PLXNA4: variants seen among roughly 807,000 people sequenced by gnomAD.
PLXNA4 encodes the protein plexin A4.
PLXNA4 carries 44 observed loss-of-function variants against 191.8 expected under a neutral mutation model. That is an observed-to-expected ratio of 0.23 (90% CI 0.18 to 0.29). PLXNA4 has a LOEUF of 0.29. Among genes scored for constraint, PLXNA4 ranks in the 10% least tolerant of loss-of-function variants. The pLI is 1.00. For synonymous variants in PLXNA4, 1,082 were observed against 1,009.5 expected, an observed-to-expected ratio of 1.07 and a Z score of -1.36; for missense variants, 1,800 against 2,488.8, an observed-to-expected ratio of 0.72 and a Z score of 5.89.
intron 3 of PLXNA4, among the ~76,000 whole-genome samples, chr7:132,438,558 G>A (rs1795563190): frequency 1.3e-5 from 2 of 152,150 alleles, no homozygotes; most frequent in African/African-American, 4.8e-5. Context: ...AATTCTAACT[G>A]GATAATCTCA....
intron 10 of PLXNA4, among the ~76,000 whole-genome samples, chr7:132,204,923 C>A (rs1446795500): frequency 1.3e-5 from 2 of 152,176 alleles, no homozygotes; most frequent in Admixed American, 1.3e-4. Context: ...CCTGGCTCTG[C>A]CCTAGCATCC....
intron 3 of PLXNA4, among the ~76,000 whole-genome samples, chr7:132,387,976 C>A (rs754075032): frequency 6.6e-6 from 1 of 152,046 alleles, no homozygotes; most frequent in Non-Finnish European, 1.5e-5. Context: ...CTCCCTCCCG[C>A]GGCATGTCTC....
chr7:132,521,489 G>A (rs1368096271), intron 1 of PLXNA4, among the ~76,000 whole-genome samples: 1 of 152,144 alleles, frequency 6.6e-6, no homozygotes, highest in Non-Finnish European at 1.5e-5. Flanking sequence ...CAGTCTCCGA[G>A]TCATCCTGCC....
At chr7:132,145,416 G>T (rs554696927) in intron 28 of PLXNA4, 128 bp from the exon 29 acceptor site, 86 of 1,269,920 alleles carry the variant, frequency 6.8e-5, no homozygotes, top group Non-Finnish European at 8.8e-5. Flanking sequence ...GTAAAATTGG[G>T]TAAGTCCATG....
At chr7:132,532,144 C>T (rs78212437) in intron 1 of PLXNA4, among the ~76,000 whole-genome samples, 3,292 of 152,268 alleles carry the variant, frequency 0.022, 144 homozygotes, top group African/African-American at 0.075. Flanking sequence ...ACATAAAAGA[C>T]GTTTTTACCC....
chr7:132,500,506 T>C (rs1180572829), intron 2 of PLXNA4, among the ~76,000 whole-genome samples: 1 of 151,622 alleles, frequency 6.6e-6, no homozygotes, highest in Non-Finnish European at 1.5e-5. Context: ...GAAATAATAA[T>C]AATAAAGGCA....
chr7:132,638,681 G>T (rs989417114), intron 2 of PLXNA4, among the ~76,000 whole-genome samples: 1 of 151,746 alleles, frequency 6.6e-6, no homozygotes, highest in Non-Finnish European at 1.5e-5. Context: ...AAAAAATGCC[G>T]ACCATTTGTA....
intron 2 of PLXNA4, among the ~76,000 whole-genome samples, chr7:132,591,926 G>A (rs1242688032): frequency 2.6e-5 from 4 of 152,196 alleles, no homozygotes; most frequent in Middle Eastern, 3.4e-3. Flanking sequence ...TTATCACATC[G>A]CTACCACAAC....
chr7:132,615,263 G>A (rs1247444908), intron 2 of PLXNA4, among the ~76,000 whole-genome samples: 1 of 152,156 alleles, frequency 6.6e-6, no homozygotes, highest in Non-Finnish European at 1.5e-5. Flanking sequence ...CTGGGAAAGT[G>A]ATGATGTCCT....
upstream of PLXNA4, among the ~76,000 whole-genome samples, chr7:132,579,351 C>T (rs1802356986): frequency 6.6e-6 from 1 of 152,002 alleles, no homozygotes; most frequent in South Asian, 2.1e-4. Context: ...ACAACTCTGT[C>T]TCAATTCTCA....
At chr7:132,579,520 G>T (rs1337261320), upstream of PLXNA4, among the ~76,000 whole-genome samples, 2 of 145,556 alleles carry the variant, frequency 1.4e-5, no homozygotes, top group African/African-American at 5.2e-5. Context: ...GGAAGTCAAA[G>T]ACCTTTTTTT....
At chr7:132,477,598 C>T (rs1022634785) in intron 3 of PLXNA4, among the ~76,000 whole-genome samples, 4 of 152,240 alleles carry the variant, frequency 2.6e-5, no homozygotes, top group African/African-American at 9.6e-5. Context: ...AGCTGATACA[C>T]ACACACATGC....
At chr7:132,335,452 T>A (rs10228998) in intron 3 of PLXNA4, among the ~76,000 whole-genome samples, 17,286 of 152,260 alleles carry the variant, frequency 0.11, 1,233 homozygotes, top group Admixed American at 0.22. Flanking sequence ...CCCAAATCAC[T>A]AGAGTTCATT....
At chr7:132,632,896 C>G (rs1341131528) in intron 2 of PLXNA4, among the ~76,000 whole-genome samples, 3 of 152,042 alleles carry the variant, frequency 2.0e-5, no homozygotes, top group Non-Finnish European at 4.4e-5. Context: ...GCATTTGGAG[C>G]CAGAGATTAG....
At chr7:132,321,180 C>G (rs1259503523) in intron 3 of PLXNA4, among the ~76,000 whole-genome samples, 1 of 152,130 alleles carries the variant, frequency 6.6e-6, no homozygotes, top group Non-Finnish European at 1.5e-5. Context: ...CCCTCACTTC[C>G]CTCTGACTCT....
chr7:132,500,320 G>A (rs1798193727), intron 2 of PLXNA4, among the ~76,000 whole-genome samples: 1 of 152,180 alleles, frequency 6.6e-6, no homozygotes, highest in Admixed American at 6.5e-5. Context: ...GCGCATGCCT[G>A]TAATCCCAGC....
At chr7:132,495,340 T>C (rs893950633) in intron 2 of PLXNA4, among the ~76,000 whole-genome samples, 1 of 152,216 alleles carries the variant, frequency 6.6e-6, no homozygotes, top group African/African-American at 2.4e-5. Flanking sequence ...CATCCCCCTG[T>C]GGGCCAATTA....
At chr7:132,572,827 T>A (rs1284182086) in intron 1 of PLXNA4, among the ~76,000 whole-genome samples, 1 of 152,138 alleles carries the variant, frequency 6.6e-6, no homozygotes, top group Non-Finnish European at 1.5e-5. Context: ...CAGTGTCCTG[T>A]CCACAGGGCC....
chr7:132,188,991 A>G (rs1294411061), intron 14 of PLXNA4, among the ~76,000 whole-genome samples: 495 of 41,566 alleles, frequency 0.012, 7 homozygotes, highest in East Asian at 0.065. Flanking sequence ...AAGGAAAGGA[A>G]AGGAGAGAGA....
Sources: allele counts gnomAD v4.1 joint callset (sites outside exome capture counted in the v4.1 genomes callset), GRCh38; gene constraint gnomAD v4.1.1; transcripts MANE v1.5; gene names NCBI Gene and HGNC (gene_info 2026-07-23, HGNC 2026-07-21).